Variants in LYPLAL1 observed in about 807,000 individuals in gnomAD.
LYPLAL1 encodes lysophospholipase like 1.
Under a neutral mutation model 19.7 loss-of-function variants are expected in LYPLAL1, and 23 were observed. That is an observed-to-expected ratio of 1.17 (90% CI 0.84 to 1.65). The LOEUF (loss-of-function observed/expected upper bound fraction) is 1.65. LYPLAL1 is among the 40% of genes most tolerant of loss of function. The pLI, the probability that LYPLAL1 is intolerant of heterozygous loss-of-function variation, is 0.00. For synonymous variants in LYPLAL1, 119 were observed against 96.3 expected, an observed-to-expected ratio of 1.24 and a Z score of -1.38; for missense variants, 355 against 279.4, an observed-to-expected ratio of 1.27 and a Z score of -1.93.
At chr1:219,287,773 T>C in the LYPLAL1 span, among the ~76,000 whole-genome samples, 1 of 152,220 alleles carries the variant, frequency 6.6e-6, no homozygotes, top group Non-Finnish European at 1.5e-5. Flanking sequence ...CCTCACTTGA[T>C]GGAGGGGCCT....
At chr1:219,182,048 A>G (rs1417832629) in intron 2 of LYPLAL1, among the ~76,000 whole-genome samples, 1 of 152,142 alleles carries the variant, frequency 6.6e-6, no homozygotes, top group African/African-American at 2.4e-5. Context: ...TGAGGTTTTA[A>G]AAAGTGTATT....
At chr1:219,299,235 A>G in the LYPLAL1 span, among the ~76,000 whole-genome samples, 1 of 151,238 alleles carries the variant, frequency 6.6e-6, no homozygotes, top group Non-Finnish European at 1.5e-5. Context: ...TCACCCTTAT[A>G]AAAGGATAAA....
the LYPLAL1 span, among the ~76,000 whole-genome samples, chr1:219,323,961 A>G: frequency 6.6e-6 from 1 of 152,190 alleles, no homozygotes; most frequent in Non-Finnish European, 1.5e-5. Flanking sequence ...ATGTTTTGGC[A>G]GATCATCAAA....
chr1:219,399,886 A>G, the LYPLAL1 span, among the ~76,000 whole-genome samples: 4 of 152,140 alleles, frequency 2.6e-5, no homozygotes, highest in African/African-American at 7.2e-5. Context: ...ATCCCTAGCC[A>G]TGCTCTGCTA....
intron 1 of LYPLAL1, 101 bp from the exon 2 acceptor site, chr1:219,179,046 C>G: frequency 1.4e-6 from 1 of 718,576 alleles, no homozygotes; most frequent in Non-Finnish European, 2.2e-6. Flanking sequence ...TTTTTTAAAT[C>G]CTTTATTCCA....
chr1:219,201,542 A>G (rs1658100321), intron 3 of LYPLAL1, among the ~76,000 whole-genome samples: 1 of 151,838 alleles, frequency 6.6e-6, no homozygotes, highest in Non-Finnish European at 1.5e-5. Context: ...GACTTATGAA[A>G]TTATAAAATC....
the LYPLAL1 span, among the ~76,000 whole-genome samples, chr1:219,226,460 C>T: frequency 2.0e-5 from 3 of 152,166 alleles, no homozygotes; most frequent in Admixed American, 1.3e-4. Context: ...CACTGATCAT[C>T]GGTCAAAATA....
the LYPLAL1 span, among the ~76,000 whole-genome samples, chr1:219,269,643 T>C: frequency 1.3e-5 from 2 of 152,060 alleles, no homozygotes; most frequent in Non-Finnish European, 2.9e-5. Flanking sequence ...TTTTGTTTTA[T>C]AAATACATCA....
At chr1:219,438,812 A>C in the LYPLAL1 span, among the ~76,000 whole-genome samples, 1 of 152,186 alleles carries the variant, frequency 6.6e-6, no homozygotes, top group East Asian at 1.9e-4. Flanking sequence ...TAAAATGGGG[A>C]GTGTTCTAGG....
chr1:219,361,783 G>A, the LYPLAL1 span, among the ~76,000 whole-genome samples: 1 of 152,122 alleles, frequency 6.6e-6, no homozygotes, highest in African/African-American at 2.4e-5. Flanking sequence ...ACAAAAGTGA[G>A]GGGTAAAAGA....
chr1:219,275,037 G>A, the LYPLAL1 span, among the ~76,000 whole-genome samples: 1 of 152,024 alleles, frequency 6.6e-6, no homozygotes, highest in Non-Finnish European at 1.5e-5. Context: ...AAACCTAAAC[G>A]AAAATACTGA....
the LYPLAL1 span, among the ~76,000 whole-genome samples, chr1:219,393,238 T>C: frequency 1.3e-5 from 2 of 152,212 alleles, no homozygotes; most frequent in African/African-American, 2.4e-5. Flanking sequence ...TCAATGTCCA[T>C]AGTACCTGGG....
chr1:219,412,781 C>T, the LYPLAL1 span, among the ~76,000 whole-genome samples: 1 of 152,168 alleles, frequency 6.6e-6, no homozygotes, highest in African/African-American at 2.4e-5. Flanking sequence ...ATGTTACCGA[C>T]ACAGGCAAGA....
chr1:219,187,036 T>G (rs1282244100), intron 2 of LYPLAL1, among the ~76,000 whole-genome samples: 1 of 144,870 alleles, frequency 6.9e-6, no homozygotes, highest in Non-Finnish European at 1.5e-5. Context: ...TTCTTTGTTG[T>G]TTTTTTTTTC....
intron 1 of LYPLAL1, among the ~76,000 whole-genome samples, chr1:219,175,856 A>C (rs531690984): frequency 6.6e-6 from 1 of 152,354 alleles, no homozygotes; most frequent in East Asian, 1.9e-4. Flanking sequence ...GTTTCTGCTT[A>C]ACTAGAATAT....
At chr1:219,344,021 C>T in the LYPLAL1 span, among the ~76,000 whole-genome samples, 1 of 152,204 alleles carries the variant, frequency 6.6e-6, no homozygotes, top group African/African-American at 2.4e-5. Context: ...AACTTGAATT[C>T]TCATTTCTTA....
At chr1:219,326,157 G>A in the LYPLAL1 span, among the ~76,000 whole-genome samples, 11 of 152,048 alleles carry the variant, frequency 7.2e-5, no homozygotes, top group African/African-American at 1.4e-4. Context: ...CAGGTGACCC[G>A]CCTGCCTCGG....
chr1:219,386,349 A>G, the LYPLAL1 span, among the ~76,000 whole-genome samples: 2 of 152,184 alleles, frequency 1.3e-5, no homozygotes, highest in African/African-American at 4.8e-5. Context: ...TCAGAAAACT[A>G]GCTGTATGAC....
At chr1:219,194,995 G>A (rs1405434227) in intron 3 of LYPLAL1, among the ~76,000 whole-genome samples, 1 of 152,032 alleles carries the variant, frequency 6.6e-6, no homozygotes, top group Non-Finnish European at 1.5e-5. Context: ...CACAGTAAGA[G>A]ACTAGAACGT....
Sources: allele counts gnomAD v4.1 joint callset (sites outside exome capture counted in the v4.1 genomes callset), GRCh38; gene constraint gnomAD v4.1.1; transcripts MANE v1.5; gene names NCBI Gene and HGNC (gene_info 2026-07-23, HGNC 2026-07-21).